The following PHF24 variants were observed in gnomAD, a reference collection of about 807,000 sequenced individuals.
The protein encoded by PHF24 is Galpha inhibitory interacting protein.
Under a neutral mutation model 42.6 loss-of-function variants are expected in PHF24, and 25 were observed. The observed-to-expected ratio is 0.59, with a 90% CI of 0.43 to 0.82. The LOEUF (loss-of-function observed/expected upper bound fraction) is 0.82. Among genes scored for constraint, PHF24 ranks in the 40% least tolerant of loss-of-function variants. PHF24 has a pLI of 0.00. For missense variants in PHF24, 470 were observed against 538.1 expected (o/e 0.87, Z 1.25); for synonymous variants, 185 against 204.8 (o/e 0.90, Z 0.83).
chr9:34,888,065 G>A, the PHF24 span, among the ~76,000 whole-genome samples: 1 of 151,906 alleles, frequency 6.6e-6, no homozygotes, highest in South Asian at 2.1e-4. Flanking sequence ...GCTGTTGTTT[G>A]ATGCCATGCC....
chr9:34,841,495 C>T, the PHF24 span, among the ~76,000 whole-genome samples: 5 of 151,982 alleles, frequency 3.3e-5, no homozygotes, highest in African/African-American at 1.2e-4. Flanking sequence ...TTTCATTTGT[C>T]TAGAGTTTAG....
At chr9:34,831,062 G>A in the PHF24 span, among the ~76,000 whole-genome samples, 5 of 152,156 alleles carry the variant, frequency 3.3e-5, no homozygotes, top group African/African-American at 7.2e-5. Flanking sequence ...GTAGATTTGT[G>A]GTCACTTTCT....
chr9:34,899,176 G>A, the PHF24 span, among the ~76,000 whole-genome samples: 14 of 152,104 alleles, frequency 9.2e-5, no homozygotes, highest in East Asian at 3.9e-4. Flanking sequence ...TTCCTGCCTC[G>A]TGGTTGAGAG....
the PHF24 span, among the ~76,000 whole-genome samples, chr9:34,764,862 C>T: frequency 3.2e-3 from 488 of 151,346 alleles, 3 homozygotes; most frequent in Middle Eastern, 0.041. Flanking sequence ...CCTCTACACA[C>T]TGCTTTGAAT....
At chr9:34,879,865 C>A in the PHF24 span, among the ~76,000 whole-genome samples, 12 of 152,188 alleles carry the variant, frequency 7.9e-5, no homozygotes, top group Admixed American at 7.8e-4. Flanking sequence ...CAAAGATACT[C>A]CTCGAGAAGA....
At chr9:34,670,520 CTT>C in the PHF24 span, among the ~76,000 whole-genome samples, 1 of 152,168 alleles carries the variant, frequency 6.6e-6, no homozygotes, top group Non-Finnish European at 1.5e-5. Context: ...GGAGGAAACT[CTT>C]TTCTCTTTCA....
chr9:34,950,995 A>G, the PHF24 span, among the ~76,000 whole-genome samples: 1 of 152,252 alleles, frequency 6.6e-6, no homozygotes, highest in Non-Finnish European at 1.5e-5. Flanking sequence ...ATATTCATGA[A>G]TGAAATAAGG....
the PHF24 span, among the ~76,000 whole-genome samples, chr9:34,828,194 T>C: frequency 6.6e-6 from 1 of 152,066 alleles, no homozygotes; most frequent in African/African-American, 2.4e-5. Flanking sequence ...CACTCTCTTA[T>C]ATGTAAAAGA....
the PHF24 span, among the ~76,000 whole-genome samples, chr9:34,694,705 G>A: frequency 6.6e-6 from 1 of 152,072 alleles, no homozygotes; most frequent in Non-Finnish European, 1.5e-5. Context: ...CTGACCTCAG[G>A]TGATCCACCC....
Position 34,976,337 on chromosome 9 carries a change from G to A in PHF24, c.643+107G>A, listed in dbSNP as rs1308937906. On this transcript the variant is annotated intron_variant, in intron 4 of 7. Transcript: ENST00000242315. Reference sequence around the variant, plus strand: ...AGTGTTCCATATTTAGTGGGTAGAGGGTAAATGAGTCCTTGTTCCTGAGTT... The same window carrying A: ...AGTGTTCCATATTTAGTGGGTAGAGAGTAAATGAGTCCTTGTTCCTGAGTT... 6.6e-6 allele frequency: 7 copies of A among 1,064,264 alleles called. No individual in the cohort carries two copies. In the Admixed American group the frequency reaches 1.3e-4, roughly 20 times the overall value. 65.9% of individuals were successfully genotyped at this position (1,064,264 alleles called of 1,614,324 possible).
the PHF24 span, among the ~76,000 whole-genome samples, chr9:34,899,583 T>C: frequency 1.3e-5 from 2 of 152,222 alleles, no homozygotes; most frequent in Non-Finnish European, 2.9e-5. Context: ...AACACTTTTA[T>C]AGATGAGCAC....
chr9:34,929,673 A>G, the PHF24 span, among the ~76,000 whole-genome samples: 4 of 152,222 alleles, frequency 2.6e-5, no homozygotes, highest in Non-Finnish European at 5.9e-5. Context: ...CATAAGCAGC[A>G]ATCTGTATTG....
the PHF24 span, among the ~76,000 whole-genome samples, chr9:34,804,974 A>G: frequency 6.6e-6 from 1 of 152,270 alleles, no homozygotes; most frequent in South Asian, 2.1e-4. Flanking sequence ...TATACTATCT[A>G]TTGTGATTGG....
chr9:34,800,947 A>G, the PHF24 span, among the ~76,000 whole-genome samples: 92 of 152,328 alleles, frequency 6.0e-4, no homozygotes, highest in African/African-American at 2.0e-3. Flanking sequence ...TCTAGACTCT[A>G]CAAGGAACTT....
At chr9:34,969,408 G>A (rs902082953) in intron 1 of PHF24, among the ~76,000 whole-genome samples, 2 of 151,002 alleles carry the variant, frequency 1.3e-5, no homozygotes, top group African/African-American at 2.4e-5. Flanking sequence ...TTAGGAGGCC[G>A]AGGTGGGCGG....
the PHF24 span, among the ~76,000 whole-genome samples, chr9:34,852,036 AC>A: frequency 2.6e-5 from 4 of 151,940 alleles, no homozygotes; most frequent in Non-Finnish European, 5.9e-5. Flanking sequence ...TGCCTCTGCC[AC>A]CCCTGAGACA....
the PHF24 span, among the ~76,000 whole-genome samples, chr9:34,760,941 G>A: frequency 2.6e-5 from 4 of 151,694 alleles, no homozygotes; most frequent in Admixed American, 2.6e-4. Flanking sequence ...GCAGTGAGCC[G>A]TGATCGCGCC....
the PHF24 span, among the ~76,000 whole-genome samples, chr9:34,912,134 G>A: frequency 6.6e-6 from 1 of 152,176 alleles, no homozygotes; most frequent in East Asian, 1.9e-4. Flanking sequence ...CGGCTGAGCT[G>A]TCATGTAGGC....
At chr9:34,721,663 G>A in the PHF24 span, among the ~76,000 whole-genome samples, 2 of 151,992 alleles carry the variant, frequency 1.3e-5, no homozygotes, top group Non-Finnish European at 2.9e-5. Context: ...CACCTGCCTC[G>A]GCCTCCCAAA....
Sources: allele counts gnomAD v4.1 joint callset (sites outside exome capture counted in the v4.1 genomes callset), GRCh38; gene constraint gnomAD v4.1.1; transcripts MANE v1.5; gene names NCBI Gene and HGNC (gene_info 2026-07-23, HGNC 2026-07-21).